Variants in ARHGAP32 observed in about 807,000 individuals in gnomAD.
The protein encoded by ARHGAP32 is rho GTPase-activating protein 32.
Under a neutral mutation model 186.5 loss-of-function variants are expected in ARHGAP32, and 51 were observed. The ratio of observed to expected loss-of-function variants is 0.27; its 90% CI spans 0.22 to 0.35. ARHGAP32 has a LOEUF of 0.35. Among genes scored for constraint, ARHGAP32 ranks in the 10% least tolerant of loss-of-function variants. The pLI is 1.00. For missense variants in ARHGAP32, 2,186 were observed against 2,623.5 expected, an observed-to-expected ratio of 0.83 and a Z score of 3.64; for synonymous variants, 950 against 964.3, an observed-to-expected ratio of 0.99 and a Z score of 0.27.
At chr11:129,214,571 G>A (rs1444932055) in intron 1 of ARHGAP32, among the ~76,000 whole-genome samples, 3 of 152,132 alleles carry the variant, frequency 2.0e-5, no homozygotes, top group Non-Finnish European at 4.4e-5. Context: ...CTTCCAGGAA[G>A]GTGTCTCTCC....
chr11:129,033,084 G>GATTC (rs1939181927), intron 11 of ARHGAP32, among the ~76,000 whole-genome samples: 1 of 152,196 alleles, frequency 6.6e-6, no homozygotes, highest in African/African-American at 2.4e-5. Flanking sequence ...TTTTTTGTGA[G>GATTC]ATTCAATCAT....
intron 1 of ARHGAP32, among the ~76,000 whole-genome samples, chr11:129,214,693 C>T (rs1248498310): frequency 6.6e-6 from 1 of 152,208 alleles, no homozygotes; most frequent in Admixed American, 6.5e-5. Context: ...CAAATTGATA[C>T]ATGAGGGAAC....
At chr11:129,026,716 G>A (rs1938864395) in intron 11 of ARHGAP32, among the ~76,000 whole-genome samples, 1 of 148,680 alleles carries the variant, frequency 6.7e-6, no homozygotes, top group Admixed American at 6.8e-5. Context: ...CAGGAGAATT[G>A]CTTGAACCCG....
intron 1 of ARHGAP32, among the ~76,000 whole-genome samples, chr11:129,249,618 G>C (rs1476280230): frequency 6.6e-6 from 1 of 151,968 alleles, no homozygotes; most frequent in East Asian, 1.9e-4. Context: ...TCCAATATGT[G>C]GAATTCTTGA....
At chr11:129,068,806 T>A (rs879263001) in intron 6 of ARHGAP32, among the ~76,000 whole-genome samples, 1 of 152,062 alleles carries the variant, frequency 6.6e-6, no homozygotes, top group Non-Finnish European at 1.5e-5. Flanking sequence ...ATCTTCATAA[T>A]TGACATGTAT....
At chr11:128,985,949 T>A (rs1945860980) in intron 15 of ARHGAP32, 54 bp downstream of exon 15, 4 of 1,358,798 alleles carry the variant, frequency 2.9e-6, no homozygotes, top group Non-Finnish European at 3.9e-6. Flanking sequence ...AAAAAAAACG[T>A]TTACAGGTCA....
intron 1 of ARHGAP32, among the ~76,000 whole-genome samples, chr11:129,234,054 T>C (rs1944893594): frequency 6.6e-6 from 1 of 152,062 alleles, no homozygotes; most frequent in Non-Finnish European, 1.5e-5. Context: ...ATGGAGCAAG[T>C]ATGTTGGTTC....
rs1945258072 is a variant in ARHGAP32, at chr11:128,967,988, CAT to C, written c.*917_*918del. On this transcript the variant is annotated 3_prime_UTR_variant, in exon 23 of 23. Coordinates refer to ENST00000682385, the MANE Select transcript of ARHGAP32 (RefSeq NM_001378024.1). ...TAATTTAGGAAAACCAATGGTATGACATGTTTTACTAGAATTACAATTCACCA... is the reference window on the plus strand; with the variant it reads ...TAATTTAGGAAAACCAATGGTATGACGTTTTACTAGAATTACAATTCACCA... The C allele has an allele frequency of 7.8e-6, 1 of 128,002 alleles. No individual in the cohort carries two copies. Among genetic ancestry groups the C allele is most frequent in the Non-Finnish European group, 1.6e-5 (1 of 63,276 alleles). The allele number at this position is 128,002 out of a possible 1,614,324, so 7.9% of individuals were successfully genotyped here.
At chr11:129,216,318 AT>A (rs1944644565) in intron 1 of ARHGAP32, among the ~76,000 whole-genome samples, 1 of 152,136 alleles carries the variant, frequency 6.6e-6, no homozygotes, top group African/African-American at 2.4e-5. Context: ...TTTGAAAAAT[AT>A]ATTTTGATAT....
chr11:129,189,082 CTA>C (rs1463259094), intron 1 of ARHGAP32, among the ~76,000 whole-genome samples: 1 of 152,070 alleles, frequency 6.6e-6, no homozygotes, highest in Non-Finnish European at 1.5e-5. Context: ...GTCACATAAT[CTA>C]TATGTCATTG....
At chr11:129,080,416 G>A (rs1237311075) in intron 6 of ARHGAP32, among the ~76,000 whole-genome samples, 2 of 152,100 alleles carry the variant, frequency 1.3e-5, no homozygotes, top group East Asian at 3.8e-4. Context: ...TCAGACCACA[G>A]TGGAATAAAA....
chr11:129,148,776 C>T (rs1193638267), intron 2 of ARHGAP32, among the ~76,000 whole-genome samples: 2 of 152,152 alleles, frequency 1.3e-5, no homozygotes, highest in South Asian at 2.1e-4. Flanking sequence ...AGGAGCCAGG[C>T]CAGCCTCACC....
intron 1 of ARHGAP32, among the ~76,000 whole-genome samples, chr11:129,169,617 G>A (rs1414829961): frequency 1.6e-5 from 2 of 126,028 alleles, no homozygotes; most frequent in Non-Finnish European, 3.2e-5. Flanking sequence ...GGGCCACAGA[G>A]TGAGACTCTG....
Position 129,066,796 on chromosome 11 carries a change from A to G in ARHGAP32, c.604T>C (p.Tyr202His). ...VLDKHLHLCI[Y>H]DRRFSQLSEL... is the part of the protein sequence containing the mutation. ...GAGAGCTGGGAAAATCTTCGGTCATAAATACACAGATGAAGATGTTTATCA... is the reference window on the plus strand; with the variant it reads ...GAGAGCTGGGAAAATCTTCGGTCATGAATACACAGATGAAGATGTTTATCA... Residue 202 changes from tyrosine to histidine, a missense_variant, in exon 7 of 23, where the codon TAT becomes CAT. By Grantham distance (83) the Tyr-to-His change is moderately conservative. Around this residue, in one of 5 missense-constraint regions of ARHGAP32, gnomAD observed 308 missense variants for 596.5 expected, o/e 0.52. Coordinates refer to ENST00000682385, the MANE Select transcript of ARHGAP32 (RefSeq NM_001378024.1). 6.2e-7 allele frequency: 1 copy of G among 1,612,396 alleles called. No individual in the cohort carries two copies. Among genetic ancestry groups the G allele is most frequent in the Non-Finnish European group, 8.5e-7 (1 of 1,178,954 alleles).
intron 1 of ARHGAP32, among the ~76,000 whole-genome samples, chr11:129,235,910 C>CACACACAT (rs903711733): frequency 1.3e-5 from 1 of 76,730 alleles, no homozygotes; most frequent in African/African-American, 4.3e-5. Flanking sequence ...AACACACACA[C>CACACACAT]ACACACACAC....
At chr11:129,031,662 A>T (rs1939118057) in intron 11 of ARHGAP32, among the ~76,000 whole-genome samples, 1 of 152,216 alleles carries the variant, frequency 6.6e-6, no homozygotes, top group Non-Finnish European at 1.5e-5. Context: ...AGAAAGGGAA[A>T]CACTGGGTAG....
At chr11:129,041,128 A>G (rs1274087280) in intron 10 of ARHGAP32, 119 bp from the exon 11 acceptor site, 2 of 590,690 alleles carry the variant, frequency 3.4e-6, no homozygotes, top group Non-Finnish European at 5.9e-6. Flanking sequence ...CTATTATTCC[A>G]AGACTCTAAA....
At chr11:129,122,162 T>A (rs1386705494) in intron 5 of ARHGAP32, among the ~76,000 whole-genome samples, 1 of 152,088 alleles carries the variant, frequency 6.6e-6, no homozygotes, top group Non-Finnish European at 1.5e-5. Flanking sequence ...AACAGTTTTG[T>A]TTTTATTTTA....
intron 1 of ARHGAP32, among the ~76,000 whole-genome samples, chr11:129,274,883 C>T (rs1945513480): frequency 6.6e-6 from 1 of 151,164 alleles, no homozygotes; most frequent in African/African-American, 2.4e-5. Context: ...CTAATCAAAA[C>T]CGACTTTTCT....
Sources: gnomAD v4.1 joint callset for allele counts (sites outside exome capture counted in the v4.1 genomes callset) on GRCh38, gnomAD v4.1.1 for gene constraint, gnomAD v4.1.1 regional missense constraint, MANE v1.5 for transcripts, NCBI Gene and HGNC (gene_info 2026-07-23, HGNC 2026-07-21) for gene names.